Variants in SLC6A20 observed in about 807,000 individuals in gnomAD.
SLC6A20 encodes the protein sodium- and chloride-dependent transporter XTRP3.
Under a neutral mutation model 64.3 loss-of-function variants are expected in SLC6A20, and 73 were observed. The observed-to-expected ratio is 1.14, with a 90% CI of 0.94 to 1.38. The LOEUF (loss-of-function observed/expected upper bound fraction) is 1.38. SLC6A20 is among the 40% of genes most tolerant of loss of function. The probability of loss-of-function intolerance (pLI) is 0.00; values close to 1 mark genes in which losing one functional copy is unlikely to be tolerated. For synonymous variants in SLC6A20, 347 were observed against 329.6 expected, an observed-to-expected ratio of 1.05 and a Z score of -0.57; for missense variants, 725 against 772.8, an observed-to-expected ratio of 0.94 and a Z score of 0.73.
At position 45,771,283 on chromosome 3, in the gene SLC6A20, G is replaced by A. The variant is rs1404702955; in HGVS notation, c.869C>T (p.Ala290Val). The A allele has an allele frequency of 2.5e-6, 4 of 1,614,244 alleles. No homozygotes were observed. The South Asian group carries it at 4.4e-5, about 18-fold the overall frequency. The change falls in exon 6 of 11, where the codon GCC becomes GTC. Residue 290 changes from alanine (A) to valine (V), a missense_variant. Coordinates refer to ENST00000358525, the MANE Select transcript of SLC6A20 (RefSeq NM_020208.4). ...SLINSFTSIF[A>V]SIVTFSIYGF... ...ATAGATGGAGAAGGTGACAATGCTG[G>A]CAAATATGGAGGTGAAGCTGTTGAT... is the stretch of plus-strand genomic sequence containing the variant.
chr3:45,757,850 G>A lies in SLC6A20; in HGVS notation c.*1128C>T, dbSNP rs1212484261. ...AAATTAATTGTAAGTGGTATTTGTG[G>A]TCTTGATAGAGTTGGCCACGATGTC... On this transcript the variant is annotated 3_prime_UTR_variant, in exon 11 of 11. Coordinates refer to ENST00000358525, the MANE Select transcript of SLC6A20 (RefSeq NM_020208.4). The A allele has an allele frequency of 6.6e-6, 1 of 151,468 alleles. No individual in the cohort carries two copies. The highest frequency in any genetic ancestry group is 6.6e-5 in the Admixed American group (1 of 15,214). The allele number at this position is 151,468 out of a possible 1,614,324, so 9.4% of individuals were successfully genotyped here.
intron 3 of SLC6A20, among the ~76,000 whole-genome samples, chr3:45,779,472 G>T (rs554427689): frequency 6.6e-6 from 1 of 152,314 alleles, no homozygotes; most frequent in Non-Finnish European, 1.5e-5. Flanking sequence ...TGGCCCTATT[G>T]TGTTACAGGG....
chr3:45,759,028 TC>T lies in SLC6A20; in HGVS notation c.1728del (p.Thr577LeufsTer44). The T allele has an allele frequency of 6.2e-7, 1 of 1,611,884 alleles. No individual in the cohort carries two copies. The highest frequency in any genetic ancestry group is 1.3e-5 in the African/African-American group (1 of 74,622). The stretch of plus-strand genomic sequence containing the variant: ...CTCTTGAGGCGACGCTGAACAAAAG[TC>T]CCCAGGGCCGCCAGGGGGATGCACA... ...STMCIPLAAL[G>X]TFVQRRLKRG... On this transcript the variant is annotated frameshift_variant, in exon 11 of 11. Transcript: ENST00000358525. LOFTEE classifies it low-confidence loss of function (END_TRUNC).
chr3:45,785,915 C>T (rs1253615339), intron 1 of SLC6A20, among the ~76,000 whole-genome samples: 1 of 152,050 alleles, frequency 6.6e-6, no homozygotes, highest in Non-Finnish European at 1.5e-5. Flanking sequence ...GTGCCTGAGA[C>T]AGCCATGTAC....
At chr3:45,759,709 T>C in intron 10 of SLC6A20, 148 bp downstream of exon 10, 1 of 1,116,040 alleles carries the variant, frequency 9.0e-7, no homozygotes, top group Non-Finnish European at 1.3e-6. Flanking sequence ...TGCTGGACTA[T>C]TTCTAAAATA....
chr3:45,769,128 G>A (rs1206313041), intron 7 of SLC6A20, among the ~76,000 whole-genome samples: 3 of 151,544 alleles, frequency 2.0e-5, no homozygotes, highest in South Asian at 2.1e-4. Context: ...TAGAAATGAG[G>A]GGAAAAAACA....
rs887907496 is a variant in SLC6A20 at position 45,756,590 on chromosome 3, A to G, written c.*2388T>C. The G allele has an allele frequency of 2.0e-5, 3 of 152,194 alleles. No individual in the cohort carries two copies. The highest frequency in any genetic ancestry group is 2.9e-5 in the Non-Finnish European group (2 of 68,032). The allele number at this position is 152,194 out of a possible 1,614,324, so 9.4% of individuals were successfully genotyped here. A position where few individuals can be genotyped will look rare whatever the true frequency, so the allele number is the denominator to read the frequency against. ...TATTTTTGCTGTAAGAGAATTTTAC[A>G]GCACAAAAATAAAAAGACATCTCCG... On this transcript the variant is annotated 3_prime_UTR_variant, in exon 11 of 11. Transcript: ENST00000358525.
chr3:45,767,532 A>G (rs1284462852), intron 7 of SLC6A20, among the ~76,000 whole-genome samples: 1 of 152,188 alleles, frequency 6.6e-6, no homozygotes, highest in Non-Finnish European at 1.5e-5. Flanking sequence ...GATGGGAAAA[A>G]TAAAAGAGAG....
At chr3:45,775,271 C>T (rs1699943972) in intron 4 of SLC6A20, among the ~76,000 whole-genome samples, 1 of 152,140 alleles carries the variant, frequency 6.6e-6, no homozygotes, top group African/African-American at 2.4e-5. Flanking sequence ...TTAAACCTCC[C>T]CTGCCTCCCC....
At chr3:45,759,481 A>C (rs1292817436) in intron 10 of SLC6A20, among the ~76,000 whole-genome samples, 1 of 152,236 alleles carries the variant, frequency 6.6e-6, no homozygotes, top group Admixed American at 6.5e-5. Flanking sequence ...CTTAGCCTGG[A>C]ATGGGACTTT....
intron 4 of SLC6A20, among the ~76,000 whole-genome samples, chr3:45,773,544 A>C (rs1358705759): frequency 2.0e-5 from 3 of 152,204 alleles, no homozygotes; most frequent in Non-Finnish European, 4.4e-5. Flanking sequence ...TTTTTTCTGT[A>C]AATCAACTCA....
chr3:45,786,194 T>A (rs1217809328), intron 1 of SLC6A20, among the ~76,000 whole-genome samples: 4 of 152,192 alleles, frequency 2.6e-5, no homozygotes, highest in African/African-American at 9.7e-5. Flanking sequence ...TCTTATATAA[T>A]CCCAGTGCAA....
chr3:45,781,296 G>A (rs1347415765), intron 2 of SLC6A20, among the ~76,000 whole-genome samples: 1 of 152,198 alleles, frequency 6.6e-6, no homozygotes, highest in Non-Finnish European at 1.5e-5. Context: ...GAGAACACTG[G>A]ACACATTTCT....
At chr3:45,766,070 G>T (rs1052961020) in intron 7 of SLC6A20, among the ~76,000 whole-genome samples, 31 of 152,206 alleles carry the variant, frequency 2.0e-4, no homozygotes, top group Non-Finnish European at 1.3e-4. Context: ...TGACCGACTA[G>T]GTGTCCTGAA....
At chr3:45,777,235 T>G (rs1234165780) in intron 3 of SLC6A20, among the ~76,000 whole-genome samples, 1 of 152,196 alleles carries the variant, frequency 6.6e-6, no homozygotes, top group Non-Finnish European at 1.5e-5. Flanking sequence ...TCATGGCTAC[T>G]GTGCCAGTAG....
At chr3:45,781,314 C>T (rs907152044) in intron 2 of SLC6A20, among the ~76,000 whole-genome samples, 2 of 152,218 alleles carry the variant, frequency 1.3e-5, no homozygotes, top group Admixed American at 6.5e-5. Context: ...TCTTCTGCAT[C>T]TGCAACCAGG....
In SLC6A20 at chr3:45,755,964, T is replaced by C. The variant is rs1289514614; in HGVS notation, c.*3014A>G. On this transcript the variant is annotated 3_prime_UTR_variant, in exon 11 of 11. Coordinates refer to ENST00000358525, the MANE Select transcript of SLC6A20 (RefSeq NM_020208.4). ...TTTATAAAATGTAAATACTCCTCAA[T>C]GTACCACCCATGTTCTTTCTTTTTT... 1 of 152,242 alleles carries C rather than the reference T, an allele frequency of 6.6e-6. No individual in the cohort carries two copies. The highest frequency in any genetic ancestry group is 1.5e-5 in the Non-Finnish European group (1 of 68,036). The allele number at this position is 152,242 out of a possible 1,614,324, so 9.4% of individuals were successfully genotyped here. A position where few individuals can be genotyped will look rare whatever the true frequency, so the allele number is the denominator to read the frequency against.
At chr3:45,776,070 A>G in intron 3 of SLC6A20, 82 bp from the exon 4 acceptor site, 2 of 1,348,062 alleles carry the variant, frequency 1.5e-6, no homozygotes, top group South Asian at 2.5e-5. Flanking sequence ...GGTGGCCCTG[A>G]GCGGAGACTC....
chr3:45,774,575 A>G (rs1005540331), intron 4 of SLC6A20, among the ~76,000 whole-genome samples: 1 of 152,258 alleles, frequency 6.6e-6, no homozygotes, highest in Middle Eastern at 3.4e-3. Context: ...GGGCTCTTAG[A>G]AACCAAAATA....
Sources: allele counts gnomAD v4.1 joint callset (sites outside exome capture counted in the v4.1 genomes callset), GRCh38; gene constraint gnomAD v4.1.1; transcripts MANE v1.5; gene names NCBI Gene and HGNC (gene_info 2026-07-23, HGNC 2026-07-21).